FARP2: variants seen among roughly 807,000 people sequenced by gnomAD.
FARP2 encodes the protein FERM, ARH/RhoGEF and pleckstrin domain protein 2.
In FARP2, 111 loss-of-function variants were observed where a neutral mutation model predicts 130.5. The observed-to-expected ratio is 0.85, with a 90% CI of 0.73 to 1.00. FARP2 has a LOEUF of 1.00. Among genes scored for constraint, FARP2 ranks in the 50% least tolerant of loss-of-function variants. FARP2 has a pLI of 0.00. For synonymous variants in FARP2, 504 were observed against 516.9 expected (o/e 0.98, Z 0.34); for missense variants, 1,385 against 1,346.3 (o/e 1.03, Z -0.45).
Position 241,453,769 on chromosome 2 carries a change from G to GTTTTT in FARP2, c.1412-2950_1412-2946dup, listed in dbSNP as rs1180224982. On this transcript the variant is annotated intron_variant, in intron 13 of 26. Transcript: ENST00000264042. Reference sequence around the variant, plus strand: ...TGTTTACTGGGAGTGGCACTTACTGGTTTTTTTTTTTTTTTTTTTTTTTTT... The same window carrying GTTTTT: ...TGTTTACTGGGAGTGGCACTTACTGGTTTTTTTTTTTTTTTTTTTTTTTTTTTTTT... Among the ~76,000 whole-genome samples the GTTTTT allele has an allele frequency of 2.2e-3, 119 of 54,030 alleles. 17 individuals are homozygous for GTTTTT. The East Asian group carries it at 0.049, about 22-fold the overall frequency. The allele number at this position is 54,030 out of a possible 152,430, so 35.4% of individuals were successfully genotyped here.
intron 8 of FARP2, among the ~76,000 whole-genome samples, chr2:241,420,291 G>A (rs2062773548): frequency 6.6e-6 from 1 of 152,192 alleles, no homozygotes; most frequent in African/African-American, 2.4e-5. Flanking sequence ...TCATTACATG[G>A]AGAAAAGATT....
Position 241,463,262 on chromosome 2 carries a change from AG to A in FARP2, c.1678-71del, listed in dbSNP as rs1356990047. On this transcript the variant is annotated intron_variant, in intron 15 of 26. Coordinates refer to ENST00000264042, the MANE Select transcript of FARP2 (RefSeq NM_014808.4). ...TCATCACTGGGTGACCTATGGCTAC[AG>A]GCCCTCAGGGGCACAGTTTCTCAGT... 434 of 1,542,552 alleles carry A rather than the reference AG, an allele frequency of 2.8e-4. 1 individual carries two copies. In the East Asian group the frequency reaches 9.7e-3, roughly 35 times the overall value.
rs1353055333 is a variant in FARP2, at chr2:241,407,562, A to T, written c.357A>T (p.Leu119=). Residue 119 remains leucine (L), a synonymous_variant, in exon 5 of 27, where the codon CTA becomes CTT. Coordinates refer to ENST00000264042, the MANE Select transcript of FARP2 (RefSeq NM_014808.4). ...IRRPKNVVLR[L]AVKFFPPDPG... ...GGCCAAAGAATGTGGTGCTTCGCCT[A>T]GCTGTAAAATTTTTTCCACCTGATC... is the stretch of plus-strand genomic sequence containing the variant. 6.2e-7 allele frequency: 1 copy of T among 1,614,000 alleles called. No individual in the cohort carries two copies. Among genetic ancestry groups the T allele is most frequent in the African/African-American group, 1.3e-5 (1 of 74,942 alleles).
At chr2:241,381,075 G>A (rs2061651016) in intron 2 of FARP2, among the ~76,000 whole-genome samples, 1 of 152,040 alleles carries the variant, frequency 6.6e-6, no homozygotes, top group African/African-American at 2.4e-5. Flanking sequence ...CCCAACATGG[G>A]CCCATCCTAG....
At chr2:241,434,370 C>G in intron 10 of FARP2, 49 bp downstream of exon 10, 2 of 1,378,076 alleles carry the variant, frequency 1.5e-6, no homozygotes, top group Non-Finnish European at 2.0e-6. Flanking sequence ...GTTTGTAAAG[C>G]TGAGAAAATA....
chr2:241,425,863 G>GT (rs201687563), intron 8 of FARP2, among the ~76,000 whole-genome samples: 18,811 of 126,384 alleles, frequency 0.15, 1,319 homozygotes, highest in South Asian at 0.2. Flanking sequence ...TAATTCTTTT[G>GT]TTTTTTTTTT....
At chr2:241,435,904 G>GA (rs2063215722) in intron 11 of FARP2, among the ~76,000 whole-genome samples, 1 of 138,510 alleles carries the variant, frequency 7.2e-6, no homozygotes, top group African/African-American at 2.6e-5. Flanking sequence ...ACATAGTATA[G>GA]TAAATTTTTT....
intron 2 of FARP2, among the ~76,000 whole-genome samples, chr2:241,384,881 GT>G (rs2061747928): frequency 1.3e-5 from 2 of 152,056 alleles, no homozygotes; most frequent in Admixed American, 1.3e-4. Flanking sequence ...TTAAATCAAG[GT>G]TATTCAGCTT....
At chr2:241,453,398 A>G (rs532569665) in intron 13 of FARP2, among the ~76,000 whole-genome samples, 223 of 151,962 alleles carry the variant, frequency 1.5e-3, no homozygotes, top group East Asian at 4.1e-3. Flanking sequence ...CAAGGCGGGC[A>G]GATCACAAGG....
intron 2 of FARP2, among the ~76,000 whole-genome samples, chr2:241,397,596 T>A (rs1391116901): frequency 6.6e-6 from 1 of 152,022 alleles, no homozygotes; most frequent in Non-Finnish European, 1.5e-5. Flanking sequence ...CAGAAGAGAT[T>A]GATCAGGTGA....
At chr2:241,479,804 C>A (rs906103215) in intron 19 of FARP2, among the ~76,000 whole-genome samples, 28 of 152,212 alleles carry the variant, frequency 1.8e-4, no homozygotes, top group African/African-American at 5.5e-4. Flanking sequence ...TCGCTCCTGG[C>A]ATAGAGGTTG....
chr2:241,390,227 G>A lies in FARP2; in HGVS notation c.184-13601G>A, dbSNP rs140832924. Among the ~76,000 whole-genome samples the A allele has an allele frequency of 5.1e-3, 782 of 152,300 alleles. 7 individuals are homozygous for A. The highest frequency in any genetic ancestry group is 9.1e-3 in the Non-Finnish European group (621 of 68,028). Reference sequence around the variant, plus strand: ...CTTCTCCCCACAGTTTTGTGATGCAGGATTTGAGAGTTCCTACTTTTGCTG... The same window carrying A: ...CTTCTCCCCACAGTTTTGTGATGCAAGATTTGAGAGTTCCTACTTTTGCTG... On this transcript the variant is annotated intron_variant, in intron 2 of 26. Coordinates refer to ENST00000264042, the MANE Select transcript of FARP2 (RefSeq NM_014808.4).
chr2:241,466,909 C>T (rs1010024044), intron 17 of FARP2, among the ~76,000 whole-genome samples: 12 of 151,884 alleles, frequency 7.9e-5, no homozygotes, highest in South Asian at 2.1e-4. Context: ...CAGTGGTTTC[C>T]GACTCAGGCT....
chr2:241,437,799 G>A (rs544995029), intron 12 of FARP2, among the ~76,000 whole-genome samples: 1 of 151,956 alleles, frequency 6.6e-6, no homozygotes, highest in South Asian at 2.1e-4. Flanking sequence ...CGAGTAGCTG[G>A]GACTGCAGGT....
chr2:241,392,262 CCTT>C (rs1243689433), intron 2 of FARP2, among the ~76,000 whole-genome samples: 1 of 152,126 alleles, frequency 6.6e-6, no homozygotes, highest in Non-Finnish European at 1.5e-5. Flanking sequence ...GAGAGAAGGC[CCTT>C]CTTGTTGTAT....
At chr2:241,442,408 CT>C (rs1175368221) in intron 13 of FARP2, 20 of 456,536 alleles carry the variant, frequency 4.4e-5, no homozygotes, top group African/African-American at 8.0e-5. Flanking sequence ...CGAGGCCCCC[CT>C]AGACATAAGC....
chr2:241,397,868 C>T (rs555482801), intron 2 of FARP2, among the ~76,000 whole-genome samples: 2 of 137,044 alleles, frequency 1.5e-5, no homozygotes, highest in South Asian at 4.6e-4. Flanking sequence ...CTCGCTCTGT[C>T]GCCCAGGCTG....
At chr2:241,401,925 G>T (rs554625429) in intron 2 of FARP2, among the ~76,000 whole-genome samples, 167 of 152,178 alleles carry the variant, frequency 1.1e-3, no homozygotes, top group African/African-American at 3.9e-3. Flanking sequence ...GAGTATCTGG[G>T]ATTACAGGCG....
chr2:241,400,002 G>T (rs2062126844), intron 2 of FARP2, among the ~76,000 whole-genome samples: 1 of 152,158 alleles, frequency 6.6e-6, no homozygotes, highest in Non-Finnish European at 1.5e-5. Flanking sequence ...GAATTTTTGT[G>T]CCCGTATTTA....
Sources: gnomAD v4.1 joint callset for allele counts (sites outside exome capture counted in the v4.1 genomes callset) on GRCh38, gnomAD v4.1.1 for gene constraint, MANE v1.5 for transcripts, NCBI Gene and HGNC (gene_info 2026-07-23, HGNC 2026-07-21) for gene names.